TENT2: variants seen among roughly 807,000 people sequenced by gnomAD.
TENT2 encodes terminal nucleotidyltransferase 2, also known as poly(A) RNA polymerase GLD2.
In TENT2, 44 loss-of-function variants were observed where a neutral mutation model predicts 72.2. The ratio of observed to expected loss-of-function variants is 0.61; its 90% CI spans 0.48 to 0.78. The LOEUF is 0.78. Among genes scored for constraint, TENT2 ranks in the 30% least tolerant of loss-of-function variants. TENT2 has a pLI of 0.00. For synonymous variants in TENT2, 212 were observed against 192.5 expected, an observed-to-expected ratio of 1.10 and a Z score of -0.84; for missense variants, 541 against 569.6, an observed-to-expected ratio of 0.95 and a Z score of 0.51.
chr5:79,631,765 T>C (rs1288264546), intron 4 of TENT2, among the ~76,000 whole-genome samples: 1 of 152,130 alleles, frequency 6.6e-6, no homozygotes, highest in Admixed American at 6.5e-5. Flanking sequence ...GGTTGACCAC[T>C]CTGGAAAGAA....
At chr5:79,681,134 T>C (rs1198857669) in intron 13 of TENT2, among the ~76,000 whole-genome samples, 2 of 150,436 alleles carry the variant, frequency 1.3e-5, no homozygotes, top group Admixed American at 6.7e-5. Context: ...AAGTTACTTC[T>C]TTTTTCTTTT....
At chr5:79,651,754 C>T (rs563512025) in intron 10 of TENT2, among the ~76,000 whole-genome samples, 2 of 152,092 alleles carry the variant, frequency 1.3e-5, no homozygotes, top group African/African-American at 4.8e-5. Flanking sequence ...CATCTTCATC[C>T]CATCTTTGTC....
chr5:79,668,938 C>T lies in TENT2; in HGVS notation c.1118C>T (p.Pro373Leu), dbSNP rs766862911. 2.5e-6 allele frequency: 4 copies of T among 1,613,582 alleles called. No individual in the cohort carries two copies. In the South Asian group the frequency reaches 4.4e-5, roughly 18 times the overall value. ...CAGCTGCACCTTGTACATCAAGCTC[C>T]ATGTAATGTTCCTCCTTACCTCTCA... ...AIQLHLVHQA[P>L]CNVPPYLSKN... The change falls in exon 12 of 15, where the codon CCA becomes CTA. Residue 373 changes from proline (P) to leucine (L), a missense_variant. Coordinates refer to ENST00000453514, the MANE Select transcript of TENT2 (RefSeq NM_001114394.3).
chr5:79,633,997 CA>C (rs562252526), intron 4 of TENT2, among the ~76,000 whole-genome samples: 1,040 of 70,486 alleles, frequency 0.015, 8 homozygotes, highest in African/African-American at 0.03. Flanking sequence ...ACTAAAAATA[CA>C]AAAAAAAAAA....
intron 4 of TENT2, among the ~76,000 whole-genome samples, chr5:79,636,611 C>G (rs1379472118): frequency 6.6e-6 from 1 of 152,030 alleles, no homozygotes; most frequent in Non-Finnish European, 1.5e-5. Flanking sequence ...CTTTTGATTT[C>G]TTTTTCATTT....
intron 1 of TENT2, 89 bp downstream of exon 1, chr5:79,613,164 T>G (rs1756501516): frequency 6.6e-6 from 1 of 152,174 alleles, no homozygotes; most frequent in South Asian, 2.1e-4. Flanking sequence ...GCTTTTCACT[T>G]TATAGGAAAA....
intron 10 of TENT2, among the ~76,000 whole-genome samples, chr5:79,656,534 T>C (rs756562046): frequency 1.5e-4 from 23 of 152,024 alleles, no homozygotes; most frequent in Non-Finnish European, 2.8e-4. Context: ...GAAAGAACTA[T>C]TTTTATCTCC....
At chr5:79,668,593 GTTTGTATAGTA>G in intron 11 of TENT2, 1 of 242,542 alleles carries the variant, frequency 4.1e-6, no homozygotes, top group Non-Finnish European at 8.0e-6. Flanking sequence ...GTAGATCTTG[GTTTGTATAGTA>G]AGGTTTTATT....
intron 12 of TENT2, among the ~76,000 whole-genome samples, chr5:79,669,606 T>C (rs1048535729): frequency 1.3e-5 from 2 of 152,092 alleles, no homozygotes; most frequent in Non-Finnish European, 1.5e-5. Flanking sequence ...TAGGAGTTAC[T>C]TGCAGCTCTT....
intron 7 of TENT2, among the ~76,000 whole-genome samples, chr5:79,643,531 T>G (rs1343277546): frequency 3.3e-5 from 5 of 152,186 alleles, no homozygotes; most frequent in African/African-American, 9.6e-5. Context: ...TGTGTGATAT[T>G]GGAAAGACAC....
chr5:79,624,930 CAT>C (rs1198295679), intron 4 of TENT2, among the ~76,000 whole-genome samples: 1 of 152,180 alleles, frequency 6.6e-6, no homozygotes, highest in African/African-American at 2.4e-5. Context: ...ATTGCTTGGT[CAT>C]ATGGTAGCTC....
At chr5:79,662,944 A>G (rs1260063238) in intron 11 of TENT2, among the ~76,000 whole-genome samples, 2 of 152,210 alleles carry the variant, frequency 1.3e-5, no homozygotes, top group African/African-American at 4.8e-5. Flanking sequence ...AAAATCTGCT[A>G]TTTAGTGTAG....
chr5:79,686,127 A>G lies in TENT2; in HGVS notation c.*854A>G, dbSNP rs1361177787. 2.0e-5 allele frequency: 3 copies of G among 152,592 alleles called. No individual in the cohort carries two copies. The highest frequency in any genetic ancestry group is 7.2e-5 in the African/African-American group (3 of 41,454). The allele number at this position is 152,592 out of a possible 1,614,324, so 9.5% of individuals were successfully genotyped here. On this transcript the variant is annotated 3_prime_UTR_variant, in exon 15 of 15. Coordinates refer to ENST00000453514, the MANE Select transcript of TENT2 (RefSeq NM_001114394.3). ...ATGAAGCAACAGAAACTGAGATCAA[A>G]GTTAAGATTATATCCTGTTTGTAGT... is the stretch of plus-strand genomic sequence containing the variant.
intron 11 of TENT2, among the ~76,000 whole-genome samples, chr5:79,668,520 C>T (rs1810342222): frequency 6.6e-6 from 1 of 152,070 alleles, no homozygotes; most frequent in South Asian, 2.1e-4. Context: ...TGAAGTATAA[C>T]TGCTCCTTGT....
At position 79,649,179 on chromosome 5, in the gene TENT2, A is replaced by G; in HGVS notation, c.1016A>G (p.His339Arg). The G allele has an allele frequency of 6.2e-7, 1 of 1,612,932 alleles. No individual in the cohort carries two copies. Among genetic ancestry groups the G allele is most frequent in the Non-Finnish European group, 8.5e-7 (1 of 1,179,314 alleles). ...TATAGTCTTGTATTGATGGTTTTGC[A>G]CTATTTACAAAGTAAGTATAATGGG... The part of the protein sequence containing the change: ...SSYSLVLMVL[H>R]YLQTLPEPIL... The change falls in exon 10 of 15, where the codon CAC becomes CGC. Residue 339 changes from histidine to arginine, a missense_variant. Coordinates refer to ENST00000453514, the MANE Select transcript of TENT2 (RefSeq NM_001114394.3).
At chr5:79,639,093 T>C (rs887446193) in intron 4 of TENT2, among the ~76,000 whole-genome samples, 2 of 151,662 alleles carry the variant, frequency 1.3e-5, no homozygotes, top group African/African-American at 4.8e-5. Context: ...AAGGCTTGAA[T>C]ACAAAATTAT....
intron 4 of TENT2, among the ~76,000 whole-genome samples, chr5:79,628,261 T>C (rs1228040357): frequency 1.3e-5 from 2 of 152,174 alleles, no homozygotes; most frequent in Non-Finnish European, 2.9e-5. Flanking sequence ...AAGGGTTCAG[T>C]GTGAGATAAA....
intron 10 of TENT2, among the ~76,000 whole-genome samples, chr5:79,656,650 G>A (rs1238444790): frequency 1.3e-5 from 2 of 151,884 alleles, no homozygotes; most frequent in Non-Finnish European, 2.9e-5. Context: ...TGCTTATTGT[G>A]TGTGTATGTC....
At chr5:79,662,388 A>G (rs1411589017) in intron 11 of TENT2, among the ~76,000 whole-genome samples, 1 of 151,984 alleles carries the variant, frequency 6.6e-6, no homozygotes, top group Non-Finnish European at 1.5e-5. Context: ...TAGAATGATG[A>G]CTCCTTTCCA....
Sources: allele counts gnomAD v4.1 joint callset (sites outside exome capture counted in the v4.1 genomes callset), GRCh38; gene constraint gnomAD v4.1.1; transcripts MANE v1.5; gene names NCBI Gene and HGNC (gene_info 2026-07-23, HGNC 2026-07-21).